LRRC56: variants seen among roughly 807,000 people sequenced by gnomAD.
LRRC56 encodes the protein leucine-rich repeat-containing protein 56.
A neutral mutation model predicts 47.8 loss-of-function variants in LRRC56; 41 were observed. That is an observed-to-expected ratio of 0.86 (90% CI 0.67 to 1.11). The LOEUF is 1.11. LRRC56 is among the 50% of genes most tolerant of loss of function. The pLI is 0.00. For synonymous variants in LRRC56, 387 were observed against 311.2 expected, an observed-to-expected ratio of 1.24 and a Z score of -2.56; for missense variants, 759 against 704.2, an observed-to-expected ratio of 1.08 and a Z score of -0.88.
intron 6 of LRRC56, among the ~76,000 whole-genome samples, chr11:545,719 T>C (rs1852041390): frequency 6.6e-6 from 1 of 152,176 alleles, no homozygotes; most frequent in Non-Finnish European, 1.5e-5. Flanking sequence ...AGAACAAGGC[T>C]GAAGGAACAT....
the LRRC56 span, among the ~76,000 whole-genome samples, chr11:518,018 C>G: frequency 6.6e-6 from 1 of 152,164 alleles, no homozygotes; most frequent in Non-Finnish European, 1.5e-5. Context: ...TACCCAGGGA[C>G]ACAAACACTG....
chr11:514,726 C>T, the LRRC56 span, among the ~76,000 whole-genome samples: 1 of 152,142 alleles, frequency 6.6e-6, no homozygotes, highest in Non-Finnish European at 1.5e-5. Context: ...TTATTGCACA[C>T]CTGACTGCAC....
chr11:543,406 G>T (rs1851902682), intron 5 of LRRC56, among the ~76,000 whole-genome samples: 1 of 151,090 alleles, frequency 6.6e-6, no homozygotes, highest in African/African-American at 2.4e-5. Flanking sequence ...GTACAGATGG[G>T]GTGTCACCAT....
At chr11:519,152 G>A in the LRRC56 span, among the ~76,000 whole-genome samples, 1 of 152,214 alleles carries the variant, frequency 6.6e-6, no homozygotes, top group South Asian at 2.1e-4. Context: ...GAACATACAA[G>A]TACAAATAAG....
At chr11:511,356 G>A in the LRRC56 span, among the ~76,000 whole-genome samples, 2 of 151,966 alleles carry the variant, frequency 1.3e-5, no homozygotes, top group Non-Finnish European at 2.9e-5. Flanking sequence ...AAAACATTGA[G>A]GATGAAGTAG....
At position 551,693 on chromosome 11, in the gene LRRC56, T is replaced by TGCCTGAGACTTGACAG. The variant is rs768307668; in HGVS notation, c.840_841insCCTGAGACTTGACAGG (p.Ser281ProfsTer4). The TGCCTGAGACTTGACAG allele has an allele frequency of 6.2e-7, 1 of 1,607,250 alleles. No homozygotes were observed. The highest frequency in any genetic ancestry group is 8.5e-7 in the Non-Finnish European group (1 of 1,176,940). Reference sequence around the variant, plus strand: ...CCCATCCGGAGACTTGACCCCGAGCTGTCCCTGCCTGAGACGCAGTCCCGG... The same window carrying TGCCTGAGACTTGACAG: ...CCCATCCGGAGACTTGACCCCGAGCTGCCTGAGACTTGACAGGTCCCTGCCTGAGACGCAGTCCCGG... On this transcript the variant is annotated stop_gained and frameshift_variant, in exon 10 of 14. Transcript: ENST00000270115. LOFTEE classifies it high-confidence loss of function.
At chr11:537,416 A>G (rs1357633324), upstream of LRRC56, 1 of 152,224 alleles carries the variant, frequency 6.6e-6, no homozygotes, top group East Asian at 1.9e-4. Flanking sequence ...GCTCAGCCGC[A>G]CGGAACCCGA....
chr11:554,053 C>A lies in LRRC56; in HGVS notation c.1406C>A (p.Ser469Ter). The change falls in exon 14 of 14, where the codon TCG (serine) becomes TAG (stop). Residue 469 changes from serine (S) to a stop codon, truncating the protein, a stop_gained. Transcript: ENST00000270115. LOFTEE classifies it low-confidence loss of function (END_TRUNC). ...RDSGSSSPRW[S>*]TDLQSRGRRL... The stretch of plus-strand genomic sequence containing the variant: ...TCTGGCAGCAGCTCCCCGCGGTGGT[C>A]GACAGACCTGCAGTCCAGGGGGCGT... 1 of 1,611,404 alleles carries A rather than the reference C, an allele frequency of 6.2e-7. No individual in the cohort carries two copies. Among genetic ancestry groups the A allele is most frequent in the South Asian group, 1.1e-5 (1 of 91,056 alleles).
chr11:509,192 C>G, the LRRC56 span, among the ~76,000 whole-genome samples: 2 of 152,130 alleles, frequency 1.3e-5, no homozygotes, highest in Non-Finnish European at 2.9e-5. Context: ...GTAGCTGATT[C>G]TTTAACTCTC....
chr11:541,613 TG>T lies in LRRC56; in HGVS notation c.258del (p.Asn87ThrfsTer12). On this transcript the variant is annotated frameshift_variant, in exon 5 of 14. Coordinates refer to ENST00000270115, the MANE Select transcript of LRRC56 (RefSeq NM_198075.4). LOFTEE classifies it high-confidence loss of function. The surrounding 1 kb of genome is among the most constrained non-coding windows in gnomAD (Gnocchi z 4.1). ...EMCVDTREGS[L>X]GNFGVHLPNL... is the part of the protein sequence containing the mutation. ...TGTGTGGACACTCGTGAGGGCAGCC[TG>T]GGGAACTTTGGTGAGCCTCTTCCCA... 6.4e-7 allele frequency: 1 copy of T among 1,572,546 alleles called. No homozygotes were observed. Among genetic ancestry groups the T allele is most frequent in the Non-Finnish European group, 8.6e-7 (1 of 1,157,908 alleles).
At chr11:533,774 G>C (rs375893752), upstream of LRRC56, 4 of 1,613,328 alleles carry the variant, frequency 2.5e-6, no homozygotes, top group South Asian at 1.1e-5. Flanking sequence ...ACCTGTACTG[G>C]TGGATGTCCT....
chr11:542,345 C>G (rs1237473237), intron 5 of LRRC56, among the ~76,000 whole-genome samples: 2 of 152,126 alleles, frequency 1.3e-5, no homozygotes, highest in African/African-American at 4.8e-5. Context: ...GGCACAGGGG[C>G]CACGCCTGTA....
rs777391521 is a variant in LRRC56 at position 554,264 on chromosome 11, C to A, written c.1617C>A (p.Pro539=). The A allele has an allele frequency of 2.0e-6, 3 of 1,492,656 alleles. No homozygotes were observed. In the African/African-American group the frequency reaches 4.2e-5, roughly 21 times the overall value. The allele number at this position is 1,492,656 out of a possible 1,614,324, so 92.5% of individuals were successfully genotyped here. A position where few individuals can be genotyped will look rare whatever the true frequency, so the allele number is the denominator to read the frequency against. ...PRAAELSHPS[P]VPT is the part of the protein sequence containing the mutation. Reference sequence around the variant, plus strand: ...CAGCTGAACTCTCTCACCCCAGCCCCGTCCCCACTTAATATAGCCCCCACT... The same window carrying A: ...CAGCTGAACTCTCTCACCCCAGCCCAGTCCCCACTTAATATAGCCCCCACT... The change falls in exon 14 of 14, where the codon CCC becomes CCA. Residue 539 remains proline (P), a synonymous_variant. Coordinates refer to ENST00000270115, the MANE Select transcript of LRRC56 (RefSeq NM_198075.4).
the LRRC56 span, among the ~76,000 whole-genome samples, chr11:530,446 C>A: frequency 1.0e-4 from 14 of 134,064 alleles, no homozygotes; most frequent in African/African-American, 3.7e-4. Context: ...GACAGAAGGG[C>A]AAGTGTGGCG....
chr11:551,410 TC>T, intron 9 of LRRC56, 108 bp downstream of exon 9: 1 of 828,286 alleles, frequency 1.2e-6, no homozygotes, highest in Non-Finnish European at 1.9e-6. Context: ...CATGCGCTTC[TC>T]CAGCCTTGAC....
the LRRC56 span, among the ~76,000 whole-genome samples, chr11:519,004 C>G: frequency 2.0e-5 from 3 of 152,156 alleles, no homozygotes; most frequent in Non-Finnish European, 4.4e-5. Context: ...GCGCGCGAGG[C>G]GCCGCACGGG....
the LRRC56 span, among the ~76,000 whole-genome samples, chr11:508,871 C>T: frequency 1.3e-5 from 2 of 151,800 alleles, no homozygotes; most frequent in African/African-American, 4.8e-5. Flanking sequence ...TGATGAAACC[C>T]CATCTCTACT....
chr11:550,347 TC>T, intron 8 of LRRC56, 75 bp downstream of exon 8: 2 of 1,383,734 alleles, frequency 1.4e-6, no homozygotes, highest in Non-Finnish European at 1.9e-6. Context: ...CCGGGGCCCC[TC>T]CTCTGGCCAG....
At chr11:546,472 G>A (rs1232945727) in intron 6 of LRRC56, among the ~76,000 whole-genome samples, 4 of 152,096 alleles carry the variant, frequency 2.6e-5, no homozygotes, top group African/African-American at 9.7e-5. Context: ...GGAGGCTGAG[G>A]CAGGAAAATG....
Sources: gnomAD v4.1 joint callset for allele counts (sites outside exome capture counted in the v4.1 genomes callset) on GRCh38, gnomAD v4.1.1 for gene constraint, Gnocchi (gnomAD v3.1) non-coding constraint, MANE v1.5 for transcripts, NCBI Gene and HGNC (gene_info 2026-07-23, HGNC 2026-07-21) for gene names.